Variants in TMEM63C observed in about 807,000 individuals in gnomAD.
The protein encoded by TMEM63C is transmembrane protein 63C.
Under a neutral mutation model 99.2 loss-of-function variants are expected in TMEM63C, and 32 were observed. The observed-to-expected ratio is 0.32, with a 90% CI of 0.24 to 0.43. The LOEUF (loss-of-function observed/expected upper bound fraction) is 0.43, where lower values mean the gene tolerates loss of function less well. Ranked by LOEUF, TMEM63C falls within the 20% of genes least tolerant of loss-of-function variation. TMEM63C has a pLI of 1.00. For synonymous variants in TMEM63C, 376 were observed against 397.9 expected, an observed-to-expected ratio of 0.94 and a Z score of 0.66; for missense variants, 826 against 1,053.0, an observed-to-expected ratio of 0.78 and a Z score of 2.98.
At chr14:77,182,026 T>C (rs1887923195) in intron 1 of TMEM63C, 132 bp downstream of exon 1, 1 of 152,022 alleles carries the variant, frequency 6.6e-6, no homozygotes, top group Non-Finnish European at 1.5e-5. Context: ...AGACCTTGCA[T>C]TGGGAGGGAT....
chr14:77,205,797 G>A (rs540367889), intron 1 of TMEM63C, among the ~76,000 whole-genome samples: 3 of 152,322 alleles, frequency 2.0e-5, no homozygotes, highest in African/African-American at 7.2e-5. Flanking sequence ...AGCAGGCCAG[G>A]AGCAGAGAGC....
chr14:77,231,765 T>A (rs1234500438), intron 7 of TMEM63C, 35 bp downstream of exon 7: 3 of 1,550,190 alleles, frequency 1.9e-6, no homozygotes, highest in Non-Finnish European at 8.7e-7. Context: ...GGGCAGCAGC[T>A]GGACCTGAGA....
At chr14:77,238,034 C>T (rs1348994855) in intron 9 of TMEM63C, among the ~76,000 whole-genome samples, 1 of 152,244 alleles carries the variant, frequency 6.6e-6, no homozygotes, top group East Asian at 1.9e-4. Context: ...CTGGTGTCTG[C>T]TACTTCAGCT....
rs60544528 is a variant in TMEM63C, at chr14:77,202,825, G to GCACACACACA, written c.-76-10589_-76-10580dup. Among the ~76,000 whole-genome samples, 4 of 141,112 alleles carry GCACACACACA rather than the reference G, an allele frequency of 2.8e-5. No homozygotes were observed. The East Asian group carries it at 7.0e-4, about 25-fold the overall frequency. The allele number at this position is 141,112 out of a possible 152,430, so 92.6% of individuals were successfully genotyped here. A position where few individuals can be genotyped will look rare whatever the true frequency, so the allele number is the denominator to read the frequency against. On this transcript the variant is annotated intron_variant, in intron 1 of 23. Coordinates refer to ENST00000298351, the MANE Select transcript of TMEM63C (RefSeq NM_020431.4). Reference sequence around the variant, plus strand: ...TAGCTACAGAGGCAGACAGGCAGGCGCACACACACACACACACACACACAC... The same window carrying GCACACACACA: ...TAGCTACAGAGGCAGACAGGCAGGCGCACACACACACACACACACACACACACACACACAC...
intron 17 of TMEM63C, 126 bp downstream of exon 17, chr14:77,246,152 C>G (rs1168091201): frequency 3.9e-6 from 3 of 777,072 alleles, no homozygotes; most frequent in African/African-American, 3.4e-5. Context: ...AGCCCCATGC[C>G]TGTCATGGGT....
rs920121050 is a variant in TMEM63C, at chr14:77,258,719, T to G, written c.*1993T>G. 1 of 144,134 alleles carries G rather than the reference T, an allele frequency of 6.9e-6. No individual in the cohort carries two copies. The highest frequency in any genetic ancestry group is 1.5e-5 in the Non-Finnish European group (1 of 65,588). 8.9% of individuals were successfully genotyped at this position (144,134 alleles called of 1,614,324 possible). A position where few individuals can be genotyped will look rare whatever the true frequency, so the allele number is the denominator to read the frequency against. ...GACCCCATCATGTGTATTTGGTGTA[T>G]GGGGTGTGGGGGGTCACACCAGAAG... On this transcript the variant is annotated 3_prime_UTR_variant, in exon 24 of 24. Transcript: ENST00000298351.
At chr14:77,234,599 C>T (rs1349844032) in intron 8 of TMEM63C, among the ~76,000 whole-genome samples, 4 of 152,214 alleles carry the variant, frequency 2.6e-5, no homozygotes, top group African/African-American at 9.6e-5. Flanking sequence ...GGTGGATCCA[C>T]CATCATAGCA....
rs1041209627 is a variant in TMEM63C at position 77,242,912 on chromosome 14, G to A, written c.1197G>A (p.Leu399=). 1.2e-6 allele frequency: 2 copies of A among 1,613,898 alleles called. No individual in the cohort carries two copies. Among genetic ancestry groups the A allele is most frequent in the African/African-American group, 2.7e-5 (2 of 74,934 alleles). The change falls in exon 15 of 24, where the codon CTG becomes CTA. Residue 399 remains leucine (L), a synonymous_variant. Transcript: ENST00000298351. ...TTCCATCCTTCCCCAGGAAACACCT[G>A]TCTGTCCGCCGCTTCTTTTGGTGGG... ...PHPKDIIWKH[L]SVRRFFWWAR...
At chr14:77,213,944 G>C (rs11845285) in intron 2 of TMEM63C, among the ~76,000 whole-genome samples, 1,979 of 152,218 alleles carry the variant, frequency 0.013, 38 homozygotes, top group African/African-American at 0.045. Flanking sequence ...AGTGGGAGGA[G>C]TTTTGTGCAC....
At chr14:77,184,830 G>A (rs1887970819) in intron 1 of TMEM63C, among the ~76,000 whole-genome samples, 1 of 152,178 alleles carries the variant, frequency 6.6e-6, no homozygotes, top group Non-Finnish European at 1.5e-5. Flanking sequence ...GCTGAGATGA[G>A]AACGTGGGCA....
rs375092713 is a variant in TMEM63C, at chr14:77,238,702, G to A, written c.660G>A (p.Arg220=). The A allele has an allele frequency of 5.0e-5, 81 of 1,613,472 alleles. No homozygotes were observed. The highest frequency in any genetic ancestry group is 1.2e-5 in the Non-Finnish European group (14 of 1,179,522). ...FAPRNSQKVT[R]TLMITYVPKD... ...TTATTTTTCCCACCCAGGTCACAAG[G>A]ACACTAATGATCACCTATGTGCCCA... The change falls in exon 10 of 24, where the codon AGG becomes AGA. Residue 220 remains arginine, a synonymous_variant. Coordinates refer to ENST00000298351, the MANE Select transcript of TMEM63C (RefSeq NM_020431.4).
intron 19 of TMEM63C, 63 bp from the exon 20 acceptor site, chr14:77,248,704 C>A: frequency 6.5e-7 from 1 of 1,548,242 alleles, no homozygotes; most frequent in Non-Finnish European, 8.9e-7. Flanking sequence ...GATGAGGAGC[C>A]ACAGAAGTAG....
At chr14:77,201,353 C>A (rs1374839842) in intron 1 of TMEM63C, among the ~76,000 whole-genome samples, 1 of 152,184 alleles carries the variant, frequency 6.6e-6, no homozygotes, top group Non-Finnish European at 1.5e-5. Context: ...CTGTAATTTG[C>A]TGAATAAATT....
chr14:77,222,791 C>G (rs549588851), intron 5 of TMEM63C, among the ~76,000 whole-genome samples: 161 of 152,354 alleles, frequency 1.1e-3, no homozygotes, highest in South Asian at 6.0e-3. Flanking sequence ...CTGACCACCC[C>G]TCCTGGGTCC....
chr14:77,222,030 A>G (rs2140111975), intron 5 of TMEM63C, among the ~76,000 whole-genome samples: 2 of 152,130 alleles, frequency 1.3e-5, no homozygotes, highest in South Asian at 4.2e-4. Flanking sequence ...CTGGGCAATG[A>G]CACCCACACT....
At chr14:77,256,438 TG>T in intron 23 of TMEM63C, 87 bp from the exon 24 acceptor site, 4 of 1,337,896 alleles carry the variant, frequency 3.0e-6, no homozygotes, top group Middle Eastern at 2.3e-4. Flanking sequence ...ACAGAGGCGA[TG>T]GGGGTGGGGC....
At chr14:77,250,512 C>A (rs1200314095) in intron 21 of TMEM63C, among the ~76,000 whole-genome samples, 1 of 151,642 alleles carries the variant, frequency 6.6e-6, no homozygotes, top group Non-Finnish European at 1.5e-5. Context: ...TGATCTCGAC[C>A]CACTGCAACC....
chr14:77,219,290 G>A (rs548219782), intron 3 of TMEM63C, among the ~76,000 whole-genome samples: 20 of 152,266 alleles, frequency 1.3e-4, no homozygotes, highest in Admixed American at 1.2e-3. Context: ...AATGAACTCT[G>A]AGCATCCACT....
At chr14:77,218,521 A>G (rs1156594123) in intron 2 of TMEM63C, among the ~76,000 whole-genome samples, 2 of 152,242 alleles carry the variant, frequency 1.3e-5, no homozygotes, top group Admixed American at 1.3e-4. Flanking sequence ...TTGGATGTGC[A>G]TTTTACAACT....
Sources: allele counts gnomAD v4.1 joint callset (sites outside exome capture counted in the v4.1 genomes callset), GRCh38; gene constraint gnomAD v4.1.1; transcripts MANE v1.5; gene names NCBI Gene and HGNC (gene_info 2026-07-23, HGNC 2026-07-21).